Variants in CFAP54 observed in about 807,000 individuals in gnomAD.
CFAP54 encodes the protein cilia and flagella associated protein 54.
A neutral mutation model predicts 370.4 loss-of-function variants in CFAP54; 290 were observed. That is an observed-to-expected ratio of 0.78 (90% CI 0.71 to 0.86). The LOEUF is 0.86. CFAP54 is among the 40% of genes least tolerant of loss of function. CFAP54 has a pLI of 0.00. For missense variants in CFAP54, 3,399 were observed against 3,528.7 expected (o/e 0.96, Z 0.93); for synonymous variants, 1,206 against 1,236.5 (o/e 0.98, Z 0.52).
intron 61 of CFAP54, among the ~76,000 whole-genome samples, chr12:96,785,294 A>G (rs201960030): frequency 2.0e-5 from 3 of 152,086 alleles, no homozygotes; most frequent in Non-Finnish European, 4.4e-5. Flanking sequence ...TTCAGATGGC[A>G]TATTAATTCC....
intron 27 of CFAP54, 107 bp from the exon 28 acceptor site, chr12:96,623,660 T>G (rs1372632606): frequency 1.6e-6 from 1 of 615,128 alleles, no homozygotes; most frequent in African/African-American, 1.8e-5. Flanking sequence ...CATAGTTTTA[T>G]CTACCAAGTG....
intron 32 of CFAP54, among the ~76,000 whole-genome samples, chr12:96,642,573 G>A (rs1642992): frequency 0.98 from 148,734 of 152,310 alleles, 72,634 homozygotes; most frequent in East Asian, 1. Flanking sequence ...GATACTTTCC[G>A]GAGTTTTCTC....
intron 67 of CFAP54, among the ~76,000 whole-genome samples, chr12:96,868,366 T>A (rs1192606926): frequency 3.3e-5 from 5 of 152,270 alleles, no homozygotes; most frequent in South Asian, 2.1e-4. Flanking sequence ...TTTGGTCCAC[T>A]GTATATTTTT....
At position 96,624,943 on chromosome 12, in the gene CFAP54, C is replaced by A. The variant is rs575000184; in HGVS notation, c.3887-775C>A. Among the ~76,000 whole-genome samples, 15 of 152,204 alleles carry A rather than the reference C, an allele frequency of 9.9e-5. No homozygotes were observed. In the East Asian group the frequency reaches 2.9e-3, roughly 29 times the overall value. On this transcript the variant is annotated intron_variant, in intron 28 of 67. Coordinates refer to ENST00000524981, the MANE Select transcript of CFAP54 (RefSeq NM_001306084.2). ...ATAAAGTATAATTCCTTAAAACATA[C>A]AGTGTTCTAGAAATGTGAATTATTT...
chr12:96,631,589 A>C (rs1458533260), intron 32 of CFAP54, among the ~76,000 whole-genome samples: 4 of 151,100 alleles, frequency 2.6e-5, no homozygotes, highest in Non-Finnish European at 3.0e-5. Context: ...TATACTAAAT[A>C]TCATATAATA....
chr12:96,861,286 G>T (rs1277630281), intron 67 of CFAP54, among the ~76,000 whole-genome samples: 6 of 152,156 alleles, frequency 3.9e-5, no homozygotes, highest in Admixed American at 3.9e-4. Context: ...GAGTGATTTT[G>T]TCCATTAGGT....
chr12:96,501,101 G>C lies in CFAP54; in HGVS notation c.423+162G>C, dbSNP rs1955020621. ...TTAATAAGGCACAGTAACCAAAAAA[G>C]TGTTGCTTTTTAATTTTGTAGTTGA... On this transcript the variant is annotated intron_variant, in intron 2 of 67. Transcript: ENST00000524981. The C allele has an allele frequency of 6.2e-6, 3 of 485,554 alleles. No individual in the cohort carries two copies. The East Asian group carries it at 1.0e-4, about 16-fold the overall frequency. 30.1% of individuals were successfully genotyped at this position (485,554 alleles called of 1,614,324 possible).
chr12:96,735,529 G>C (rs1173303818), intron 50 of CFAP54, among the ~76,000 whole-genome samples: 1 of 152,222 alleles, frequency 6.6e-6, no homozygotes, highest in East Asian at 1.9e-4. Flanking sequence ...AATGACTGGT[G>C]GTGGGCACTG....
chr12:96,708,728 A>G lies in CFAP54; in HGVS notation c.6649A>G (p.Ile2217Val). 1.2e-6 allele frequency: 2 copies of G among 1,612,648 alleles called. No homozygotes were observed. The highest frequency in any genetic ancestry group is 1.1e-5 in the South Asian group (1 of 90,350). ...AYFFLSVAAT[I>V]NCVPENKFKT... ...CTTTTTCCTAAGTGTGGCTGCGACA[A>G]TAAATTGTGTCCCAGAAAATAAATT... is the stretch of plus-strand genomic sequence containing the variant. Residue 2217 changes from isoleucine to valine, a missense_variant, in exon 48 of 68, where the codon ATA (isoleucine) becomes GTA (valine). By Grantham distance (29) the Ile-to-Val change is conservative. This residue lies in a region of CFAP54 where 2,796 missense variants were observed against 2,869.7 expected (regional missense o/e 0.97). Transcript: ENST00000524981.
At position 96,580,708 on chromosome 12, in the gene CFAP54, C is replaced by T; in HGVS notation, c.2889+19C>T. On this transcript the variant is annotated intron_variant, in intron 21 of 67. Coordinates refer to ENST00000524981, the MANE Select transcript of CFAP54 (RefSeq NM_001306084.2). ...AGAAGCGGTACGTCAAATTAAACAT[C>T]AGGAAATCTTACTGAAGCCTTTAAT... 7 of 1,417,458 alleles carry T rather than the reference C, an allele frequency of 4.9e-6. No individual in the cohort carries two copies. Among genetic ancestry groups the T allele is most frequent in the Admixed American group, 2.1e-5 (1 of 46,958 alleles). 87.8% of individuals were successfully genotyped at this position (1,417,458 alleles called of 1,614,324 possible).
Position 96,539,165 on chromosome 12 carries a change from A to T in CFAP54, c.1926+647A>T, listed in dbSNP as rs1290002175. 2.7e-5 allele frequency among the ~76,000 whole-genome samples: 4 copies of T among 145,870 alleles called. No individual in the cohort carries two copies. In the East Asian group the frequency reaches 8.4e-4, roughly 30 times the overall value. On this transcript the variant is annotated intron_variant, in intron 13 of 67. Transcript: ENST00000524981. ...AACCTCTGCCTGCCGGGTTCAAGCG[A>T]TTCTCCTGCCTCAGCTTCTGGAGTA...
At chr12:96,682,270 G>C (rs1302292046) in intron 40 of CFAP54, 1 of 985,596 alleles carries the variant, frequency 1.0e-6, no homozygotes, top group Non-Finnish European at 1.2e-6. Context: ...TTTTAGTTCC[G>C]TGGAGAAAAG....
At chr12:96,854,456 T>C (rs1959643504) in intron 66 of CFAP54, among the ~76,000 whole-genome samples, 1 of 152,186 alleles carries the variant, frequency 6.6e-6, no homozygotes, top group South Asian at 2.1e-4. Context: ...AAAGTAATTC[T>C]GGCAATAAAT....
intron 19 of CFAP54, 34 bp from the exon 20 acceptor site, chr12:96,576,551 A>T (rs1294308957): frequency 1.4e-6 from 2 of 1,396,570 alleles, no homozygotes; most frequent in African/African-American, 1.5e-5. Context: ...CAAGCTCTTG[A>T]CATATATTTT....
At chr12:96,559,007 G>A (rs563918578) in intron 17 of CFAP54, among the ~76,000 whole-genome samples, 1 of 152,274 alleles carries the variant, frequency 6.6e-6, no homozygotes, top group East Asian at 1.9e-4. Context: ...CTTGAGGTCA[G>A]GAGTTTGAGA....
At chr12:96,867,075 T>A (rs1258840289) in intron 67 of CFAP54, among the ~76,000 whole-genome samples, 1 of 152,156 alleles carries the variant, frequency 6.6e-6, no homozygotes, top group Admixed American at 6.5e-5. Context: ...TTCCTAGTAA[T>A]AAAGTATATG....
intron 63 of CFAP54, among the ~76,000 whole-genome samples, chr12:96,807,387 A>G (rs139278727): frequency 0.014 from 2,194 of 152,322 alleles, 28 homozygotes; most frequent in South Asian, 0.063. Flanking sequence ...TTCTTAGGTG[A>G]TTAAGATACA....
intron 32 of CFAP54, among the ~76,000 whole-genome samples, chr12:96,639,975 C>A (rs1407136759): frequency 6.6e-6 from 1 of 152,122 alleles, no homozygotes; most frequent in Non-Finnish European, 1.5e-5. Flanking sequence ...CAATATCATA[C>A]TGAATGGGCA....
At chr12:96,834,898 GCAATAGAACAGCT>G (rs982854401) in intron 66 of CFAP54, among the ~76,000 whole-genome samples, 1 of 152,172 alleles carries the variant, frequency 6.6e-6, no homozygotes, top group Non-Finnish European at 1.5e-5. Flanking sequence ...GCTTTATTGA[GCAATAGAACAGCT>G]CACAGGAGAC....
Sources: allele counts gnomAD v4.1 joint callset (sites outside exome capture counted in the v4.1 genomes callset), GRCh38; gene constraint gnomAD v4.1.1; regional missense constraint gnomAD v4.1.1; transcripts MANE v1.5; gene names NCBI Gene and HGNC (gene_info 2026-07-23, HGNC 2026-07-21).